Variants in GFRA1 observed in about 807,000 individuals in gnomAD.
GFRA1 encodes GDNF family receptor alpha-1.
In GFRA1, 16 loss-of-function variants were observed where a neutral mutation model predicts 51.6. The observed-to-expected ratio is 0.31, with a 90% confidence interval of 0.21 to 0.47. GFRA1 has a LOEUF of 0.47. Among genes scored for constraint, GFRA1 ranks in the 20% least tolerant of loss-of-function variants. The probability of loss-of-function intolerance (pLI) is 1.00; values close to 1 mark genes in which losing one functional copy is unlikely to be tolerated. For missense variants in GFRA1, 530 were observed against 594.3 expected (o/e 0.89, Z 1.13); for synonymous variants, 270 against 241.3 (o/e 1.12, Z -1.10).
At chr10:116,193,239 G>T (rs1963429810) in intron 5 of GFRA1, among the ~76,000 whole-genome samples, 1 of 152,094 alleles carries the variant, frequency 6.6e-6, no homozygotes, top group South Asian at 2.1e-4. Context: ...AGCGGGTTTG[G>T]AAAATACAAA....
chr10:116,134,509 T>C (rs1323357036), intron 5 of GFRA1, among the ~76,000 whole-genome samples: 2 of 152,234 alleles, frequency 1.3e-5, no homozygotes, highest in East Asian at 3.9e-4. Flanking sequence ...TTCAAGAGCT[T>C]GGCTTTTTCC....
chr10:116,125,498 C>T lies in GFRA1; in HGVS notation c.493G>A (p.Asp165Asn), dbSNP rs773747498. 8 of 1,614,162 alleles carry T rather than the reference C, an allele frequency of 5.0e-6. No individual in the cohort carries two copies. The South Asian group carries it at 6.6e-5, about 13-fold the overall frequency. ...LDAAKACNLD[D>N]ICKKYRSAYI... ...GCCGACCTGTACTTCTTGCAAATGT[C>T]GTCGAGGTTGCAGGCCTTCGCTGCA... Residue 165 changes from aspartate (D) to asparagine (N), a missense_variant, in exon 6 of 11, where the codon GAC becomes AAC. Asp to Asn is a conservative substitution (Grantham distance 23, BLOSUM62 1). Transcript: ENST00000355422.
rs1338176584 is a variant in GFRA1 at position 116,057,991 on chromosome 10, TGTGTG to T, written c.*6402_*6406del. The T allele has an allele frequency of 7.4e-3, 49 of 6,620 alleles. No individual in the cohort carries two copies. The highest frequency in any genetic ancestry group is 0.012 in the Non-Finnish European group (26 of 2,244). The allele number at this position is 6,620 out of a possible 1,614,324, so 0.4% of individuals were successfully genotyped here. On this transcript the variant is annotated 3_prime_UTR_variant, in exon 11 of 11. Coordinates refer to ENST00000355422, the MANE Select transcript of GFRA1 (RefSeq NM_005264.8). ...CTGGATCATATAGCCCTCCAATCAT[TGTGTG>T]TGTGTGTGTGTGTGTGTGTGTGTGT...
At chr10:116,217,091 G>A (rs1017436221) in intron 4 of GFRA1, among the ~76,000 whole-genome samples, 5 of 152,094 alleles carry the variant, frequency 3.3e-5, no homozygotes, top group South Asian at 2.1e-4. Flanking sequence ...GAGTACCCAC[G>A]GCACTCCAGG....
intron 5 of GFRA1, among the ~76,000 whole-genome samples, chr10:116,127,198 G>A (rs924504799): frequency 1.2e-4 from 19 of 152,114 alleles, no homozygotes; most frequent in East Asian, 9.7e-4. Flanking sequence ...ACACTGTGCC[G>A]ATTGTTATCA....
intron 4 of GFRA1, chr10:116,226,696 T>C: frequency 3.7e-6 from 1 of 273,254 alleles, no homozygotes; most frequent in Non-Finnish European, 7.6e-6. Flanking sequence ...TTTCTATTAG[T>C]ACTACATTGT....
In GFRA1 at chr10:116,060,692, A is replaced by T. The variant is rs1159056808; in HGVS notation, c.*3706T>A. The stretch of plus-strand genomic sequence containing the variant: ...CAAAGAACAGAGGCAAGAGCAAGAC[A>T]GATCATGGGGGTATGAATCCAGGAG... On this transcript the variant is annotated 3_prime_UTR_variant, in exon 11 of 11. Transcript: ENST00000355422. 3 of 152,230 alleles carry T rather than the reference A, an allele frequency of 2.0e-5. No homozygotes were observed. Among genetic ancestry groups the T allele is most frequent in the Non-Finnish European group, 4.4e-5 (3 of 68,044 alleles). 9.4% of individuals were successfully genotyped at this position (152,230 alleles called of 1,614,324 possible).
chr10:116,161,832 A>C (rs1959838930), intron 5 of GFRA1, among the ~76,000 whole-genome samples: 1 of 152,248 alleles, frequency 6.6e-6, no homozygotes, highest in African/African-American at 2.4e-5. Context: ...TAGCGTGTGA[A>C]AACAGACAAA....
chr10:116,212,358 A>G (rs956879784), intron 4 of GFRA1, among the ~76,000 whole-genome samples: 1 of 151,948 alleles, frequency 6.6e-6, no homozygotes, highest in East Asian at 1.9e-4. Flanking sequence ...CATCTCTACT[A>G]AAAATACAAA....
chr10:116,065,625 G>A lies in GFRA1; in HGVS notation c.1199C>T (p.Ala400Val). 3 of 1,612,200 alleles carry A rather than the reference G, an allele frequency of 1.9e-6. No homozygotes were observed. Among genetic ancestry groups the A allele is most frequent in the Non-Finnish European group, 2.5e-6 (3 of 1,178,536 alleles). Residue 400 changes from alanine (A) to valine (V), a missense_variant and splice_region_variant, in exon 10 of 11, where the codon GCA (alanine) becomes GTA (valine). Ala to Val is a moderately conservative substitution (Grantham distance 64). Coordinates refer to ENST00000355422, the MANE Select transcript of GFRA1 (RefSeq NM_005264.8). ...HVLPPCANLQAQKLKSNVSGN... is the reference protein window; with the variant it reads ...HVLPPCANLQVQKLKSNVSGN... ...CGACACATTGGATTTCAGCTTCTGT[G>A]CCTGGAGAGGGACAAGAAAAAAAAT...
chr10:116,171,635 T>A (rs1331649525), intron 5 of GFRA1, among the ~76,000 whole-genome samples: 1 of 152,204 alleles, frequency 6.6e-6, no homozygotes, highest in Non-Finnish European at 1.5e-5. Flanking sequence ...TGTAATTAAA[T>A]CACCAGATTT....
intron 5 of GFRA1, among the ~76,000 whole-genome samples, chr10:116,207,063 A>T (rs1964834286): frequency 6.6e-6 from 1 of 152,166 alleles, no homozygotes; most frequent in Non-Finnish European, 1.5e-5. Flanking sequence ...TCCACTTAAA[A>T]CTTCTCCAGA....
At chr10:116,269,445 G>T in intron 4 of GFRA1, 58 bp downstream of exon 4, 1 of 959,378 alleles carries the variant, frequency 1.0e-6, no homozygotes, top group Non-Finnish European at 1.7e-6. Context: ...CAAAGAGAAT[G>T]CAAGCCAACG....
intron 5 of GFRA1, among the ~76,000 whole-genome samples, chr10:116,159,408 T>C (rs1264001311): frequency 3.3e-5 from 5 of 152,334 alleles, no homozygotes; most frequent in African/African-American, 9.6e-5. Context: ...AGAGCCTTTA[T>C]ATGCTACCAT....
chr10:116,077,906 A>C (rs1438708377), intron 9 of GFRA1, among the ~76,000 whole-genome samples: 1 of 152,220 alleles, frequency 6.6e-6, no homozygotes, highest in African/African-American at 2.4e-5. Context: ...AGCGACACTT[A>C]GTAGGGCCCC....
chr10:116,226,333 G>A (rs757496485), intron 4 of GFRA1, among the ~76,000 whole-genome samples: 31 of 152,156 alleles, frequency 2.0e-4, no homozygotes, highest in Non-Finnish European at 3.1e-4. Flanking sequence ...CTCAGAAAAC[G>A]ATGACTGCAC....
In GFRA1 at chr10:116,271,114, G is replaced by A; in HGVS notation, c.42C>T (p.Asp14=). The A allele has an allele frequency of 6.2e-7, 1 of 1,604,568 alleles. No homozygotes were observed. Among genetic ancestry groups the A allele is most frequent in the Non-Finnish European group, 8.5e-7 (1 of 1,172,624 alleles). ...CGCTCACTTCGGCCGACAGGAGCAA[G>A]TCTGCGGGGCAGAGGGGAGGGAGCC... ...ATLYFALPLL[D]LLLSAEVSGG... Residue 14 remains aspartate, a splice_region_variant and synonymous_variant, in exon 3 of 11, where the codon GAC becomes GAT. Coordinates refer to ENST00000355422, the MANE Select transcript of GFRA1 (RefSeq NM_005264.8).
At position 116,270,805 on chromosome 10, in the gene GFRA1, G is replaced by A. The variant is rs780417469; in HGVS notation, c.334+17C>T. On this transcript the variant is annotated intron_variant, in intron 3 of 10. Transcript: ENST00000355422. ...CGGGGAGGGACACGGGGTGGGGTGG[G>A]GAGGTTCCACGCGTACCCTGCAGGC... The A allele has an allele frequency of 1.2e-6, 2 of 1,604,144 alleles. No homozygotes were observed. The highest frequency in any genetic ancestry group is 1.7e-6 in the Non-Finnish European group (2 of 1,173,200).
intron 9 of GFRA1, among the ~76,000 whole-genome samples, chr10:116,079,815 G>C (rs903853924): frequency 2.0e-5 from 3 of 152,140 alleles, no homozygotes; most frequent in Admixed American, 1.3e-4. Flanking sequence ...GTTGGCACAG[G>C]GGGGTGTGCA....
Sources: gnomAD v4.1 joint callset for allele counts (sites outside exome capture counted in the v4.1 genomes callset) on GRCh38, gnomAD v4.1.1 for gene constraint, MANE v1.5 for transcripts, NCBI Gene and HGNC (gene_info 2026-07-23, HGNC 2026-07-21) for gene names.